YAF2: variants seen among roughly 807,000 people sequenced by gnomAD.
YAF2 encodes the protein YY1-associated factor 2.
Under a neutral mutation model 20.1 loss-of-function variants are expected in YAF2, and 7 were observed. The observed-to-expected ratio is 0.35, with a 90% confidence interval of 0.20 to 0.65. The LOEUF (loss-of-function observed/expected upper bound fraction) is 0.65. Among genes scored for constraint, YAF2 ranks in the 30% least tolerant of loss-of-function variants. YAF2 has a pLI of 0.69. For missense variants in YAF2, 151 were observed against 219.2 expected (o/e 0.69, Z 1.96); for synonymous variants, 74 against 76.0 (o/e 0.97, Z 0.14).
chr12:42,177,427 C>T (rs560356485), intron 2 of YAF2, among the ~76,000 whole-genome samples: 33 of 152,312 alleles, frequency 2.2e-4, no homozygotes, highest in African/African-American at 7.7e-4. Flanking sequence ...TTACAGACGG[C>T]CATGTTCTCA....
chr12:42,232,731 C>A, intron 2 of YAF2: 4 of 985,350 alleles, frequency 4.1e-6, no homozygotes, highest in Non-Finnish European at 4.8e-6. Context: ...GACAAGAAAA[C>A]AACGATGCTG....
intron 2 of YAF2, among the ~76,000 whole-genome samples, chr12:42,188,717 T>C (rs1272322233): frequency 6.6e-6 from 1 of 152,026 alleles, no homozygotes; most frequent in East Asian, 1.9e-4. Context: ...AAAAATGTTC[T>C]AAGTATTCAC....
At chr12:42,187,879 T>C (rs895991503) in intron 2 of YAF2, among the ~76,000 whole-genome samples, 1 of 152,168 alleles carries the variant, frequency 6.6e-6, no homozygotes, top group African/African-American at 2.4e-5. Flanking sequence ...CATTGTGACT[T>C]TCATCCTGTT....
At chr12:42,228,371 AC>A (rs1331246376) in intron 2 of YAF2, among the ~76,000 whole-genome samples, 1 of 50,404 alleles carries the variant, frequency 2.0e-5, no homozygotes, top group Non-Finnish European at 3.3e-5. Flanking sequence ...GGCCGCCCCT[AC>A]TGGGAAGTGA....
chr12:42,177,681 C>T (rs1212978143), intron 2 of YAF2, among the ~76,000 whole-genome samples: 1 of 152,192 alleles, frequency 6.6e-6, no homozygotes, highest in African/African-American at 2.4e-5. Flanking sequence ...CAATGGCTTT[C>T]TACTTCTGCC....
chr12:42,234,355 A>T, intron 2 of YAF2: 1 of 985,448 alleles, frequency 1.0e-6, no homozygotes, highest in Non-Finnish European at 1.2e-6. Flanking sequence ...CTCTCACAAA[A>T]GCACAATGTA....
At chr12:42,236,851 G>C (rs1235565991) in intron 2 of YAF2, among the ~76,000 whole-genome samples, 2 of 152,190 alleles carry the variant, frequency 1.3e-5, no homozygotes, top group African/African-American at 4.8e-5. Context: ...GCCACTGACT[G>C]AATTTCCTGG....
rs1288673550 is a variant in YAF2, at chr12:42,157,950, G to GT, written c.*2638dup. 1 of 152,108 alleles carries GT rather than the reference G, an allele frequency of 6.6e-6. No homozygotes were observed. The highest frequency in any genetic ancestry group is 1.9e-4 in the East Asian group (1 of 5,184). 9.4% of individuals were successfully genotyped at this position (152,108 alleles called of 1,614,324 possible). A position where few individuals can be genotyped will look rare whatever the true frequency, so the allele number is the denominator to read the frequency against. ...TCACTCTTACTTATAGCAAAGTAAGGTAATAAATGCTGGAAAACATCCAAA... is the reference window on the plus strand; with the variant it reads ...TCACTCTTACTTATAGCAAAGTAAGGTTAATAAATGCTGGAAAACATCCAAA... On this transcript the variant is annotated 3_prime_UTR_variant, in exon 4 of 4. Transcript: ENST00000534854.
chr12:42,210,981 C>T, intron 2 of YAF2: 2 of 194,792 alleles, frequency 1.0e-5, no homozygotes, highest in Non-Finnish European at 2.1e-5. Flanking sequence ...TATATTAGTA[C>T]AAGAATAATT....
intron 2 of YAF2, among the ~76,000 whole-genome samples, chr12:42,230,130 G>A (rs774887742): frequency 2.6e-5 from 4 of 152,112 alleles, no homozygotes; most frequent in Admixed American, 6.5e-5. Context: ...GGTGGCACAC[G>A]TCTGTAATCC....
At position 42,227,733 on chromosome 12, in the gene YAF2, G is replaced by A. The variant is rs566442076; in HGVS notation, c.152+9866C>T. Among the ~76,000 whole-genome samples, 23 of 148,408 alleles carry A rather than the reference G, an allele frequency of 1.5e-4. No homozygotes were observed. The South Asian group carries it at 2.1e-3, about 14-fold the overall frequency. On this transcript the variant is annotated intron_variant, in intron 2 of 3. Transcript: ENST00000534854. ...AGCGTCTCCGCCCGGCAGCCACCCC[G>A]TCCGGGAGGGAGGTGGGGGGGTCAG...
intron 2 of YAF2, among the ~76,000 whole-genome samples, chr12:42,187,586 A>T (rs1004368228): frequency 1.3e-5 from 2 of 152,154 alleles, no homozygotes; most frequent in African/African-American, 4.8e-5. Flanking sequence ...CTGAAGTCAG[A>T]TTGCCTGAAT....
chr12:42,170,707 A>G (rs1379325218), intron 2 of YAF2, among the ~76,000 whole-genome samples: 2 of 152,128 alleles, frequency 1.3e-5, no homozygotes, highest in Non-Finnish European at 2.9e-5. Context: ...TTAGCTGGGC[A>G]TGGTGGCAAG....
chr12:42,227,756 C>T (rs551846878), intron 2 of YAF2, among the ~76,000 whole-genome samples: 90 of 147,552 alleles, frequency 6.1e-4, no homozygotes, highest in African/African-American at 2.2e-3. Flanking sequence ...GTGGGGGGGT[C>T]AGCCCCCCGC....
At chr12:42,206,510 G>A (rs1225365730) in intron 2 of YAF2, among the ~76,000 whole-genome samples, 1 of 151,932 alleles carries the variant, frequency 6.6e-6, no homozygotes, top group Non-Finnish European at 1.5e-5. Context: ...TCGTGAGGCT[G>A]AGGCTGGAGA....
intron 2 of YAF2, among the ~76,000 whole-genome samples, chr12:42,175,439 CTT>C (rs1209505767): frequency 3.3e-5 from 5 of 151,510 alleles, no homozygotes; most frequent in African/African-American, 4.9e-5. Flanking sequence ...TGTCTGCTCT[CTT>C]GATTGTGGTG....
intron 2 of YAF2, among the ~76,000 whole-genome samples, chr12:42,188,063 C>T (rs547044627): frequency 8.5e-5 from 13 of 152,304 alleles, no homozygotes; most frequent in African/African-American, 2.9e-4. Context: ...GCCAGAACCA[C>T]CCAGCTAAGC....
chr12:42,235,159 A>C, intron 2 of YAF2: 2 of 989,232 alleles, frequency 2.0e-6, no homozygotes, highest in Non-Finnish European at 2.4e-6. Flanking sequence ...AAAGGATTCA[A>C]ATCCCATCTG....
intron 2 of YAF2, among the ~76,000 whole-genome samples, chr12:42,200,557 T>G (rs1487256829): frequency 6.6e-6 from 1 of 152,148 alleles, no homozygotes; most frequent in East Asian, 1.9e-4. Context: ...CATACCTATA[T>G]TCCATATAAG....
Sources: allele counts gnomAD v4.1 joint callset (sites outside exome capture counted in the v4.1 genomes callset), GRCh38; gene constraint gnomAD v4.1.1; transcripts MANE v1.5; gene names NCBI Gene and HGNC (gene_info 2026-07-23, HGNC 2026-07-21).